The following ADGRB3 variants were observed in gnomAD, a reference collection of about 807,000 sequenced individuals.
The protein encoded by ADGRB3 is adhesion G protein-coupled receptor B3, also known as brain-specific angiogenesis inhibitor 3.
A neutral mutation model predicts 193.4 loss-of-function variants in ADGRB3; 37 were observed. The observed-to-expected ratio is 0.19, with a 90% CI of 0.15 to 0.25. The LOEUF (loss-of-function observed/expected upper bound fraction) is 0.25. ADGRB3 is among the 10% of genes least tolerant of loss of function. The probability of loss-of-function intolerance (pLI) is 1.00; values close to 1 mark genes in which losing one functional copy is unlikely to be tolerated. For missense variants in ADGRB3, 1,637 were observed against 1,852.9 expected, an observed-to-expected ratio of 0.88 and a Z score of 2.14; for synonymous variants, 690 against 644.2, an observed-to-expected ratio of 1.07 and a Z score of -1.08.
chr6:68,896,098 A>C (rs964405630), intron 3 of ADGRB3, among the ~76,000 whole-genome samples: 1 of 152,118 alleles, frequency 6.6e-6, no homozygotes, highest in Non-Finnish European at 1.5e-5. Flanking sequence ...TCCTTTAAGA[A>C]GAACATACAC....
At chr6:68,964,910 C>T (rs1192433922) in intron 8 of ADGRB3, among the ~76,000 whole-genome samples, 3 of 152,102 alleles carry the variant, frequency 2.0e-5, no homozygotes, top group African/African-American at 7.2e-5. Flanking sequence ...AATAAAAAGA[C>T]TCCTCTGCTT....
intron 3 of ADGRB3, among the ~76,000 whole-genome samples, chr6:68,763,726 A>G (rs1404142217): frequency 1.3e-5 from 2 of 152,002 alleles, no homozygotes; most frequent in East Asian, 1.9e-4. Context: ...AAGAGTTGCT[A>G]TTTTTCTTTA....
rs967456863 is a variant in ADGRB3 at position 69,375,940 on chromosome 6, C to G, written c.4275+3499C>G. On this transcript the variant is annotated intron_variant, in intron 30 of 31. Transcript: ENST00000370598. ...TCTGGACAACAAAGTGAGACTCCATCTCAAAACAAAGTAAAAACAAACAAA... is the reference window on the plus strand; with the variant it reads ...TCTGGACAACAAAGTGAGACTCCATGTCAAAACAAAGTAAAAACAAACAAA... Among the ~76,000 whole-genome samples, 4 of 152,016 alleles carry G rather than the reference C, an allele frequency of 2.6e-5. No individual in the cohort carries two copies. The East Asian group carries it at 7.8e-4, about 30-fold the overall frequency.
chr6:69,211,869 A>G (rs562327754), intron 17 of ADGRB3, among the ~76,000 whole-genome samples: 2 of 152,332 alleles, frequency 1.3e-5, no homozygotes, highest in South Asian at 2.1e-4. Flanking sequence ...GTGCATTACA[A>G]TCAATTCTGT....
At chr6:68,766,092 G>A (rs1227324536) in intron 3 of ADGRB3, among the ~76,000 whole-genome samples, 1 of 151,804 alleles carries the variant, frequency 6.6e-6, no homozygotes, top group Non-Finnish European at 1.5e-5. Flanking sequence ...TTTCTTTTAG[G>A]TCTTTTCCAA....
intron 20 of ADGRB3, among the ~76,000 whole-genome samples, chr6:69,283,360 C>T (rs947791225): frequency 1.3e-5 from 2 of 152,128 alleles, no homozygotes; most frequent in African/African-American, 4.8e-5. Context: ...TCATGCTTCA[C>T]CCTTTTTCTC....
At chr6:68,929,625 A>G (rs1319442072) in intron 3 of ADGRB3, among the ~76,000 whole-genome samples, 4 of 152,130 alleles carry the variant, frequency 2.6e-5, no homozygotes, top group African/African-American at 9.7e-5. Context: ...TTCCCTTCCC[A>G]TATCTAAACT....
Position 68,993,908 on chromosome 6 carries a change from T to A in ADGRB3, c.1875T>A (p.Asn625Lys). 3.7e-6 allele frequency: 6 copies of A among 1,613,856 alleles called. No individual in the cohort carries two copies. The highest frequency in any genetic ancestry group is 5.1e-6 in the Non-Finnish European group (6 of 1,179,840). Residue 625 changes from asparagine to lysine, a missense_variant, in exon 11 of 32, where the codon AAT (asparagine) becomes AAA (lysine). Asn to Lys is a moderately conservative substitution (Grantham distance 94). Coordinates refer to ENST00000370598, the MANE Select transcript of ADGRB3 (RefSeq NM_001704.3). ...DLLMSVEILR[N>K]VTDTFKRASY... The stretch of plus-strand genomic sequence containing the variant: ...TGATGTCTGTGGAGATCCTGAGAAA[T>A]GTGACAGACACATTTAAAAGGGCAA...
chr6:69,209,602 A>C (rs1438708057), intron 17 of ADGRB3, among the ~76,000 whole-genome samples: 8 of 152,364 alleles, frequency 5.3e-5, no homozygotes, highest in Admixed American at 5.2e-4. Context: ...TCTGAATAAG[A>C]TTATGACACA....
chr6:69,313,793 C>T (rs938233130), intron 20 of ADGRB3, among the ~76,000 whole-genome samples: 1 of 151,680 alleles, frequency 6.6e-6, no homozygotes, highest in Non-Finnish European at 1.5e-5. Context: ...TTATCATGTA[C>T]AACATGATGT....
chr6:68,817,832 A>AG (rs1169937542), intron 3 of ADGRB3, among the ~76,000 whole-genome samples: 2 of 152,076 alleles, frequency 1.3e-5, no homozygotes, highest in Non-Finnish European at 2.9e-5. Context: ...TAGAATTTTG[A>AG]GAAAAAATTA....
chr6:69,146,054 C>T (rs1321578615), intron 17 of ADGRB3, among the ~76,000 whole-genome samples: 1 of 152,158 alleles, frequency 6.6e-6, no homozygotes, highest in African/African-American at 2.4e-5. Flanking sequence ...AGTAGGGCTT[C>T]ACCAGGGACC....
chr6:68,914,275 G>A (rs888802743), intron 3 of ADGRB3, among the ~76,000 whole-genome samples: 1 of 151,564 alleles, frequency 6.6e-6, no homozygotes, highest in African/African-American at 2.4e-5. Flanking sequence ...AGGAAAAAAT[G>A]TTAAGGGCAG....
intron 3 of ADGRB3, among the ~76,000 whole-genome samples, chr6:68,754,648 G>A (rs1766265058): frequency 6.6e-6 from 1 of 151,988 alleles, no homozygotes; most frequent in African/African-American, 2.4e-5. Flanking sequence ...TAGATTCTGA[G>A]CTCAGAAACT....
At position 68,829,091 on chromosome 6, in the gene ADGRB3, CTTTTTTT is replaced by C. The variant is rs70987436; in HGVS notation, c.758-101448_758-101442del. ...TTTTTTTTAATAGCTGTTTAAGTAA[CTTTTTTT>C]TTTTTTTTTTTTTTTTTTTGAGATG... is the stretch of plus-strand genomic sequence containing the variant. On this transcript the variant is annotated intron_variant, in intron 3 of 31. Transcript: ENST00000370598. 2.0e-4 allele frequency among the ~76,000 whole-genome samples: 19 copies of C among 94,662 alleles called. 1 individual carries two copies. The highest frequency in any genetic ancestry group is 1.4e-3 in the Admixed American group (11 of 7,968). 62.1% of individuals were successfully genotyped at this position (94,662 alleles called of 152,430 possible).
intron 17 of ADGRB3, among the ~76,000 whole-genome samples, chr6:69,223,118 G>A (rs1475172277): frequency 1.3e-5 from 2 of 152,102 alleles, no homozygotes; most frequent in South Asian, 4.2e-4. Context: ...AAGAAACATT[G>A]CTCTAATACT....
chr6:68,821,339 C>T (rs1767745047), intron 3 of ADGRB3, among the ~76,000 whole-genome samples: 1 of 151,940 alleles, frequency 6.6e-6, no homozygotes, highest in South Asian at 2.1e-4. Context: ...AATTACTTTA[C>T]ATAAGTACAA....
chr6:69,233,533 T>C, intron 18 of ADGRB3, 117 bp downstream of exon 18: 1 of 1,395,854 alleles, frequency 7.2e-7, no homozygotes, highest in South Asian at 1.3e-5. Flanking sequence ...GGTACAAAAT[T>C]GGGTTCGTCT....
intron 17 of ADGRB3, among the ~76,000 whole-genome samples, chr6:69,201,459 T>C (rs1765415391): frequency 6.6e-6 from 1 of 152,016 alleles, no homozygotes; most frequent in South Asian, 2.1e-4. Flanking sequence ...CCTATTCTTA[T>C]TTTCTCTCCC....
Sources: gnomAD v4.1 joint callset for allele counts (sites outside exome capture counted in the v4.1 genomes callset) on GRCh38, gnomAD v4.1.1 for gene constraint, MANE v1.5 for transcripts, NCBI Gene and HGNC (gene_info 2026-07-23, HGNC 2026-07-21) for gene names.